ESPL1: variants seen among roughly 807,000 people sequenced by gnomAD.
ESPL1 encodes the protein separin.
A neutral mutation model predicts 217.2 loss-of-function variants in ESPL1; 50 were observed. The observed-to-expected ratio is 0.23, with a 90% confidence interval of 0.18 to 0.29. ESPL1 has a LOEUF of 0.29. ESPL1 is among the 10% of genes least tolerant of loss of function. The probability of loss-of-function intolerance (pLI) is 1.00; values close to 1 mark genes in which losing one functional copy is unlikely to be tolerated. For synonymous variants in ESPL1, 994 were observed against 1,081.3 expected (o/e 0.92, Z 1.58); for missense variants, 1,834 against 2,603.0 (o/e 0.70, Z 6.43).
At chr12:53,291,664 T>C (rs762652362) in intron 25 of ESPL1, 26 bp from the exon 26 acceptor site, 2 of 1,604,576 alleles carry the variant, frequency 1.2e-6, no homozygotes, top group South Asian at 2.2e-5. Flanking sequence ...ATGAAGATGG[T>C]GCTCACCACC....
At chr12:53,291,047 A>C (rs1944048760) in intron 25 of ESPL1, 51 bp downstream of exon 25, 6 of 1,500,926 alleles carry the variant, frequency 4.0e-6, no homozygotes, top group Non-Finnish European at 5.4e-6. Flanking sequence ...TTGCACCTGT[A>C]ATCCCAGCAC....
chr12:53,283,404 G>A lies in ESPL1; in HGVS notation c.2943G>A (p.Trp981Ter). The A allele has an allele frequency of 6.2e-7, 1 of 1,614,162 alleles. No individual in the cohort carries two copies. The highest frequency in any genetic ancestry group is 8.5e-7 in the Non-Finnish European group (1 of 1,180,020). Residue 981 changes from tryptophan to a stop codon, truncating the protein, a stop_gained, in exon 16 of 31, where the codon TGG becomes TGA. Transcript: ENST00000257934. LOFTEE classifies it high-confidence loss of function. The part of the protein sequence containing the change: ...LDYGENLVQK[W>*]QVLSEVLSCS... ...CAGGTGAAAATCTGGTACAAAAATG[G>A]CAGGTTCTTTCAGAGGTGCTGAGCT... is the stretch of plus-strand genomic sequence containing the variant.
In ESPL1 at chr12:53,284,086, G is replaced by A; in HGVS notation, c.3106G>A (p.Glu1036Lys). ...TGCCCTGTTCCTGGTGCTGAAGGGCGAGCTGGAGCTGGCCCGCAATGACAT... is the reference window on the plus strand; with the variant it reads ...TGCCCTGTTCCTGGTGCTGAAGGGCAAGCTGGAGCTGGCCCGCAATGACAT... ...QCALFLVLKG[E>K]LELARNDIDL... Residue 1036 changes from glutamate to lysine, a missense_variant, in exon 17 of 31, where the codon GAG (glutamate) becomes AAG (lysine). This residue lies in a region of ESPL1 where 107 missense variants were observed against 171.7 expected (regional missense o/e 0.62). Transcript: ENST00000257934. 4 of 1,613,744 alleles carry A rather than the reference G, an allele frequency of 2.5e-6. No individual in the cohort carries two copies. Among genetic ancestry groups the A allele is most frequent in the Non-Finnish European group, 2.5e-6 (3 of 1,179,702 alleles).
chr12:53,293,278 T>C lies in ESPL1; in HGVS notation c.6167T>C (p.Leu2056Ser). The C allele has an allele frequency of 6.2e-7, 1 of 1,613,376 alleles. No homozygotes were observed. Among genetic ancestry groups the C allele is most frequent in the Non-Finnish European group, 8.5e-7 (1 of 1,179,280 alleles). The change falls in exon 31 of 31, where the codon TTG becomes TCG. Residue 2056 changes from leucine to serine, a missense_variant. By Grantham distance (145) the Leu-to-Ser change is moderately radical (BLOSUM62 -2). This residue lies in a region of ESPL1 where 295 missense variants were observed against 519.8 expected (regional missense o/e 0.57). Coordinates refer to ENST00000257934, the MANE Select transcript of ESPL1 (RefSeq NM_012291.5). The surrounding 1 kb of genome is among the most constrained non-coding windows in gnomAD (Gnocchi z 4.2). Reference protein sequence around the residue: ...VLKYIMAGCPLFLGNLWDVTD... With the variant: ...VLKYIMAGCPSFLGNLWDVTD... ...TCCTCCTTTTCTTTTCCCAGCCCCT[T>C]GTTTCTGGGTAATCTCTGGGATGTG...
Position 53,277,556 on chromosome 12 carries a change from G to C in ESPL1, c.2172G>C (p.Gln724His). ...VNDLNYEDKL[Q>H]EDRFLYSNIA... ...ACCTGAACTATGAAGATAAACTCCA[G>C]GAAGATCGTTTCCTATACAGTAACA... Residue 724 changes from glutamine (Q) to histidine (H), a missense_variant, in exon 10 of 31, where the codon CAG becomes CAC. Transcript: ENST00000257934. The C allele has an allele frequency of 6.2e-7, 1 of 1,614,182 alleles. No individual in the cohort carries two copies. Among genetic ancestry groups the C allele is most frequent in the Non-Finnish European group, 8.5e-7 (1 of 1,180,028 alleles).
At position 53,277,153 on chromosome 12, in the gene ESPL1, G is replaced by C; in HGVS notation, c.2011G>C (p.Asp671His). The C allele has an allele frequency of 6.2e-7, 1 of 1,614,182 alleles. No individual in the cohort carries two copies. The highest frequency in any genetic ancestry group is 8.5e-7 in the Non-Finnish European group (1 of 1,179,958). Residue 671 changes from aspartate (D) to histidine (H), a missense_variant, in exon 9 of 31, where the codon GAT becomes CAT. By Grantham distance (81) the Asp-to-His change is moderately conservative. Coordinates refer to ENST00000257934, the MANE Select transcript of ESPL1 (RefSeq NM_012291.5). ...DSVRPEAQAR[D>H]QLLDDKAQAL... ...TGTGAGGCCTGAGGCCCAGGCCAGA[G>C]ATCAGCTTCTGGACGATAAAGCACA...
At chr12:53,290,769 C>A in intron 24 of ESPL1, 72 bp from the exon 25 acceptor site, 1 of 695,344 alleles carries the variant, frequency 1.4e-6, no homozygotes. Flanking sequence ...TTTCTCATCT[C>A]CAAAATGTCA....
In ESPL1 at chr12:53,292,991, C is replaced by A. The variant is rs1303290356; in HGVS notation, c.6161+21C>A. Reference sequence around the variant, plus strand: ...GGTTGGTGAGTCTCCAAGGGCAAGACCCATCCTAGGGCATTAGGACTCCTG... The same window carrying A: ...GGTTGGTGAGTCTCCAAGGGCAAGAACCATCCTAGGGCATTAGGACTCCTG... On this transcript the variant is annotated intron_variant, in intron 30 of 30. Coordinates refer to ENST00000257934, the MANE Select transcript of ESPL1 (RefSeq NM_012291.5). This position sits in a 1 kb window ranked among gnomAD's most constrained non-coding sequence, Gnocchi z 4.5. 6.2e-7 allele frequency: 1 copy of A among 1,607,506 alleles called. No individual in the cohort carries two copies. The highest frequency in any genetic ancestry group is 8.5e-7 in the Non-Finnish European group (1 of 1,176,958).
Position 53,277,181 on chromosome 12 carries a change from C to G in ESPL1, c.2039C>G (p.Ala680Gly). The G allele has an allele frequency of 1.2e-6, 2 of 1,614,034 alleles. No individual in the cohort carries two copies. Among genetic ancestry groups the G allele is most frequent in the Non-Finnish European group, 1.7e-6 (2 of 1,179,856 alleles). ...RDQLLDDKAQ[A>G]LLWLYICTLE... is the part of the protein sequence containing the mutation. The stretch of plus-strand genomic sequence containing the variant: ...CAGCTTCTGGACGATAAAGCACAGG[C>G]CTTGCTGTGGCTTTACATCTGTACT... The change falls in exon 9 of 31, where the codon GCC becomes GGC. Residue 680 changes from alanine to glycine, a missense_variant. Physicochemically the swap from Ala to Gly is moderately conservative, Grantham distance 60. Around this residue, in one of 5 missense-constraint regions of ESPL1, gnomAD observed 746 missense variants for 1,077.0 expected, o/e 0.69. Transcript: ENST00000257934.
chr12:53,275,125 C>G, intron 7 of ESPL1, 115 bp downstream of exon 7: 1 of 766,544 alleles, frequency 1.3e-6, no homozygotes, highest in Non-Finnish European at 2.0e-6. Context: ...CATGGTGAAA[C>G]CCCGTCTCTA....
chr12:53,282,236 G>C lies in ESPL1; in HGVS notation c.2620-28G>C. 5 of 1,609,288 alleles carry C rather than the reference G, an allele frequency of 3.1e-6. No homozygotes were observed. Among genetic ancestry groups the C allele is most frequent in the Non-Finnish European group, 4.3e-6 (5 of 1,176,128 alleles). On this transcript the variant is annotated intron_variant, in intron 13 of 30. Transcript: ENST00000257934. The surrounding 1 kb of genome is among the most constrained non-coding windows in gnomAD (Gnocchi z 4.0). The stretch of plus-strand genomic sequence containing the variant: ...CTCTGGAGTGCCTGACTGCCTTACT[G>C]CCTCCTCTGGCTCCTTCTCTCCTTC...
intron 11 of ESPL1, 154 bp from the exon 12 acceptor site, chr12:53,279,578 G>C: frequency 1.2e-6 from 1 of 821,448 alleles, no homozygotes. Flanking sequence ...TAAAACAGTA[G>C]GGGTGGGGTG....
chr12:53,282,311 C>A lies in ESPL1; in HGVS notation c.2667C>A (p.Ala889=), dbSNP rs1943875565. 3 of 1,614,084 alleles carry A rather than the reference C, an allele frequency of 1.9e-6. No individual in the cohort carries two copies. The highest frequency in any genetic ancestry group is 1.7e-6 in the Non-Finnish European group (2 of 1,180,002). The change falls in exon 14 of 31, where the codon GCC becomes GCA. Residue 889 remains alanine, a synonymous_variant. Coordinates refer to ENST00000257934, the MANE Select transcript of ESPL1 (RefSeq NM_012291.5). The surrounding 1 kb of genome is among the most constrained non-coding windows in gnomAD (Gnocchi z 4.0). ...SLLLSVLRDP[A]LQKSSKAWYL... The stretch of plus-strand genomic sequence containing the variant: ...TGCTGTCTGTGCTTCGGGATCCTGC[C>A]CTCCAGAAGTCCTCCAAGGCTTGGT...
chr12:53,282,207 C>A lies in ESPL1; in HGVS notation c.2620-57C>A, dbSNP rs1943873247. ...GGGCCACGTAATCTCCAGGGCCTCT[C>A]AAGCTCTGGAGTGCCTGACTGCCTT... On this transcript the variant is annotated intron_variant, in intron 13 of 30. Transcript: ENST00000257934. This position sits in a 1 kb window ranked among gnomAD's most constrained non-coding sequence, Gnocchi z 4.0. The A allele has an allele frequency of 6.7e-7, 1 of 1,494,838 alleles. No individual in the cohort carries two copies. Among genetic ancestry groups the A allele is most frequent in the Non-Finnish European group, 9.3e-7 (1 of 1,074,680 alleles). 92.6% of individuals were successfully genotyped at this position (1,494,838 alleles called of 1,614,324 possible).
In ESPL1 at chr12:53,282,218, G is replaced by T. The variant is rs761536365; in HGVS notation, c.2620-46G>T. 18 of 1,570,102 alleles carry T rather than the reference G, an allele frequency of 1.1e-5. No individual in the cohort carries two copies. Among genetic ancestry groups the T allele is most frequent in the Middle Eastern group, 3.4e-4 (2 of 5,908 alleles). ...TCTCCAGGGCCTCTCAAGCTCTGGA[G>T]TGCCTGACTGCCTTACTGCCTCCTC... On this transcript the variant is annotated intron_variant, in intron 13 of 30. Coordinates refer to ENST00000257934, the MANE Select transcript of ESPL1 (RefSeq NM_012291.5). The surrounding 1 kb of genome is among the most constrained non-coding windows in gnomAD (Gnocchi z 4.0).
Position 53,282,166 on chromosome 12 carries a change from AGGG to A in ESPL1, c.2620-97_2620-95del. 1.1e-6 allele frequency: 1 copy of A among 938,012 alleles called. No individual in the cohort carries two copies. Among genetic ancestry groups the A allele is most frequent in the Non-Finnish European group, 1.7e-6 (1 of 591,498 alleles). The allele number at this position is 938,012 out of a possible 1,614,324, so 58.1% of individuals were successfully genotyped here. On this transcript the variant is annotated intron_variant, in intron 13 of 30. Coordinates refer to ENST00000257934, the MANE Select transcript of ESPL1 (RefSeq NM_012291.5). The surrounding 1 kb of genome is among the most constrained non-coding windows in gnomAD (Gnocchi z 4.0). ...AAATTCTAAAATCTTTCTAATACCC[AGGG>A]CCTTCAGGGATGGGGCCACGTAATC...
intron 24 of ESPL1, 30 bp from the exon 25 acceptor site, chr12:53,290,811 C>A: frequency 8.5e-7 from 1 of 1,181,776 alleles, no homozygotes; most frequent in Non-Finnish European, 1.1e-6. Context: ...GGTTTCCTCT[C>A]TGACTGAAGG....
chr12:53,279,907 C>T, intron 12 of ESPL1, 41 bp downstream of exon 12: 1 of 1,507,444 alleles, frequency 6.6e-7, no homozygotes, highest in African/African-American at 1.4e-5. Context: ...TGCAGGGGGC[C>T]CGTAGCTTTA....
intron 20 of ESPL1, 49 bp from the exon 21 acceptor site, chr12:53,289,041 C>A: frequency 7.0e-7 from 1 of 1,436,988 alleles, no homozygotes; most frequent in Non-Finnish European, 9.8e-7. Flanking sequence ...TTCCTATCAA[C>A]TATGAAATAA....
Sources: gnomAD v4.1 joint callset for allele counts on GRCh38, gnomAD v4.1.1 for gene constraint, gnomAD v4.1.1 regional missense constraint, Gnocchi (gnomAD v3.1) non-coding constraint, MANE v1.5 for transcripts, NCBI Gene and HGNC (gene_info 2026-07-23, HGNC 2026-07-21) for gene names.